SRGAP3: variants seen among roughly 807,000 people sequenced by gnomAD.
SRGAP3 encodes the protein SLIT-ROBO Rho GTPase-activating protein 3.
Under a neutral mutation model 121.1 loss-of-function variants are expected in SRGAP3, and 39 were observed. That is an observed-to-expected ratio of 0.32 (90% CI 0.25 to 0.42). The LOEUF (loss-of-function observed/expected upper bound fraction) is 0.42, where lower values mean the gene tolerates loss of function less well. SRGAP3 is among the 10% of genes least tolerant of loss of function. The pLI, the probability that SRGAP3 is intolerant of heterozygous loss-of-function variation, is 1.00. For missense variants in SRGAP3, 1,213 were observed against 1,470.6 expected, an observed-to-expected ratio of 0.82 and a Z score of 2.86; for synonymous variants, 601 against 570.0, an observed-to-expected ratio of 1.05 and a Z score of -0.77.
rs1941471744 is a variant in SRGAP3 at position 8,982,562 on chromosome 3, C to T, written c.*2957G>A. ...TCACATTTTAACAGTTACTTTCCAG[C>T]ATTTAAGCAAATACAGCAATATATA... On this transcript the variant is annotated 3_prime_UTR_variant, in exon 22 of 22. Transcript: ENST00000383836. 1 of 224,858 alleles carries T rather than the reference C, an allele frequency of 4.4e-6. No homozygotes were observed. The highest frequency in any genetic ancestry group is 8.9e-6 in the Non-Finnish European group (1 of 112,634). 13.9% of individuals were successfully genotyped at this position (224,858 alleles called of 1,614,324 possible).
At chr3:9,344,110 A>T (rs1955841891) in intron 1 of SRGAP3, among the ~76,000 whole-genome samples, 2 of 152,182 alleles carry the variant, frequency 1.3e-5, no homozygotes, top group Admixed American at 6.5e-5. Context: ...ACCTGAGGTC[A>T]GGAGTTGGAG....
chr3:9,022,835 G>A (rs1439951520), intron 14 of SRGAP3, among the ~76,000 whole-genome samples: 1 of 152,160 alleles, frequency 6.6e-6, no homozygotes, highest in African/African-American at 2.4e-5. Flanking sequence ...GCATCCGTGA[G>A]GAAAAGAAAA....
In SRGAP3 at chr3:9,340,613, G is replaced by C. The variant is rs147554218; in HGVS notation, n.215-10017C>G. The stretch of plus-strand genomic sequence containing the variant: ...AGTCAGAGATGACCCTGATAGACCT[G>C]AGTCATCCCAGAAGTCCATCATATG... On this transcript the variant is annotated intron_variant and non_coding_transcript_variant, in intron 1 of 3. Transcript: ENST00000490889. Among the ~76,000 whole-genome samples the C allele has an allele frequency of 8.2e-3, 1,254 of 152,282 alleles. 12 individuals are homozygous for C. Among genetic ancestry groups the C allele is most frequent in the Non-Finnish European group, 0.013 (888 of 68,018 alleles).
chr3:9,075,612 G>C (rs1433732390), intron 4 of SRGAP3, among the ~76,000 whole-genome samples: 1 of 152,092 alleles, frequency 6.6e-6, no homozygotes, highest in African/African-American at 2.4e-5. Flanking sequence ...GCAAGTGATG[G>C]GTGGCCTTTA....
intron 3 of SRGAP3, among the ~76,000 whole-genome samples, chr3:9,258,806 C>G (rs1447191589): frequency 6.6e-6 from 1 of 152,208 alleles, no homozygotes; most frequent in Non-Finnish European, 1.5e-5. Flanking sequence ...ATTTCTCCCA[C>G]CTGAACAGCT....
chr3:9,272,676 T>C (rs1390839947), intron 3 of SRGAP3, among the ~76,000 whole-genome samples: 1 of 152,208 alleles, frequency 6.6e-6, no homozygotes, highest in Non-Finnish European at 1.5e-5. Flanking sequence ...TTGAGTTGCT[T>C]TTACCTTTTG....
chr3:9,309,856 C>CA (rs1330202051), intron 3 of SRGAP3, among the ~76,000 whole-genome samples: 6 of 151,392 alleles, frequency 4.0e-5, no homozygotes, highest in Non-Finnish European at 8.8e-5. Flanking sequence ...GACCCTGTCT[C>CA]AAAAAAAAGA....
chr3:9,013,435 ACACAGGGTCCTGC>A lies in SRGAP3; in HGVS notation c.2007_2019del (p.Gln670ProfsTer27). The A allele has an allele frequency of 6.2e-7, 1 of 1,614,010 alleles. No homozygotes were observed. The highest frequency in any genetic ancestry group is 8.5e-7 in the Non-Finnish European group (1 of 1,180,028). ...ACTTCATTGATGTGTGCCTGGCAGGACACAGGGTCCTGCCCATCAGGGATGTGCATGAGGGTAG... is the reference window on the plus strand; with the variant it reads ...ACTTCATTGATGTGTGCCTGGCAGGACCATCAGGGATGTGCATGAGGGTAG... On this transcript the variant is annotated frameshift_variant, in exon 17 of 22. Coordinates refer to ENST00000383836, the MANE Select transcript of SRGAP3 (RefSeq NM_014850.4). LOFTEE classifies it high-confidence loss of function.
chr3:9,125,248 G>A (rs1382914495), intron 1 of SRGAP3, among the ~76,000 whole-genome samples: 4 of 152,146 alleles, frequency 2.6e-5, no homozygotes, highest in African/African-American at 9.7e-5. Context: ...TTCTTACGGA[G>A]ATGATCTTGC....
chr3:9,169,353 T>C (rs1031852007), intron 1 of SRGAP3, among the ~76,000 whole-genome samples: 1 of 152,204 alleles, frequency 6.6e-6, no homozygotes, highest in African/African-American at 2.4e-5. Context: ...TATATCTGTT[T>C]ATGTCCAGGG....
chr3:9,133,200 G>T (rs953374373), intron 1 of SRGAP3, among the ~76,000 whole-genome samples: 1 of 152,016 alleles, frequency 6.6e-6, no homozygotes, highest in Non-Finnish European at 1.5e-5. Context: ...ACATCCTGGA[G>T]GCCGGGCACA....
At position 9,015,607 on chromosome 3, in the gene SRGAP3, T is replaced by C. The variant is rs1383021799; in HGVS notation, c.1803A>G (p.Ile601Met). The C allele has an allele frequency of 2.5e-6, 4 of 1,614,160 alleles. No individual in the cohort carries two copies. Among genetic ancestry groups the C allele is most frequent in the Admixed American group, 1.7e-5 (1 of 60,026 alleles). Residue 601 changes from isoleucine (I) to methionine (M), a missense_variant, in exon 15 of 22, where the codon ATA becomes ATG. Ile to Met is a conservative substitution (Grantham distance 10). Around this residue, in one of 2 missense-constraint regions of SRGAP3, gnomAD observed 793 missense variants for 1,032.9 expected, o/e 0.77. Coordinates refer to ENST00000383836, the MANE Select transcript of SRGAP3 (RefSeq NM_014850.4). Reference protein sequence around the residue: ...LFPKERFQDLISTIKLENPAE... With the variant: ...LFPKERFQDLMSTIKLENPAE... ...CTGGGAAATACTTACTAATAGTAGA[T>C]ATCAAATCTTGAAACCTTTCCTTAG...
intron 1 of SRGAP3, chr3:9,192,944 G>C (rs1225483507): frequency 6.5e-6 from 1 of 154,986 alleles, no homozygotes; most frequent in African/African-American, 2.4e-5. Context: ...TGAGGGAGGA[G>C]AGCTGAAGCA....
intron 18 of SRGAP3, 146 bp downstream of exon 18, chr3:9,010,162 C>T (rs980377232): frequency 2.0e-4 from 194 of 953,160 alleles, no homozygotes; most frequent in Non-Finnish European, 2.6e-4. Flanking sequence ...GAAGGTTTTT[C>T]GGGGTCTTCG....
At chr3:9,081,665 C>T (rs1311182982) in intron 3 of SRGAP3, among the ~76,000 whole-genome samples, 1 of 152,178 alleles carries the variant, frequency 6.6e-6, no homozygotes, top group Non-Finnish European at 1.5e-5. Flanking sequence ...GAGGTATAGT[C>T]TGTAGTTTCA....
rs78955855 is a variant in SRGAP3 at position 8,985,107 on chromosome 3, T to C, written c.*412A>G. The C allele has an allele frequency of 6.9e-3, 1,800 of 262,318 alleles. 24 individuals are homozygous for C. Among genetic ancestry groups the C allele is most frequent in the African/African-American group, 0.035 (1,567 of 45,366 alleles). 16.2% of individuals were successfully genotyped at this position (262,318 alleles called of 1,614,324 possible). On this transcript the variant is annotated 3_prime_UTR_variant, in exon 22 of 22. Transcript: ENST00000383836. The surrounding 1 kb of genome is among the most constrained non-coding windows in gnomAD (Gnocchi z 5.1). Reference sequence around the variant, plus strand: ...ATAGATGCATAAATATATATATATATACACACACCTACAGACACGTACATA... The same window carrying C: ...ATAGATGCATAAATATATATATATACACACACACCTACAGACACGTACATA...
chr3:9,250,667 T>C (rs1953989457), upstream of SRGAP3, among the ~76,000 whole-genome samples: 1 of 152,094 alleles, frequency 6.6e-6, no homozygotes, highest in Non-Finnish European at 1.5e-5. Flanking sequence ...GTAGCAACTG[T>C]TATTACCCTT....
chr3:9,296,078 T>G (rs745633021), intron 3 of SRGAP3, among the ~76,000 whole-genome samples: 139 of 152,258 alleles, frequency 9.1e-4, no homozygotes, highest in Non-Finnish European at 2.8e-4. Flanking sequence ...TTTTGGTTAT[T>G]GCAAAGAATG....
intron 1 of SRGAP3, among the ~76,000 whole-genome samples, chr3:9,341,695 C>T (rs779192890): frequency 4.7e-4 from 71 of 152,212 alleles, no homozygotes; most frequent in South Asian, 2.9e-3. Context: ...GATGGGGCTT[C>T]ACCATGTTGG....
Sources: gnomAD v4.1 joint callset for allele counts (sites outside exome capture counted in the v4.1 genomes callset) on GRCh38, gnomAD v4.1.1 for gene constraint, gnomAD v4.1.1 regional missense constraint, Gnocchi (gnomAD v3.1) non-coding constraint, MANE v1.5 for transcripts, NCBI Gene and HGNC (gene_info 2026-07-23, HGNC 2026-07-21) for gene names.